Variants in FSTL5 observed in about 807,000 individuals in gnomAD.
The protein encoded by FSTL5 is follistatin like 5, also known as follistatin-related protein 5.
In FSTL5, 62 loss-of-function variants were observed where a neutral mutation model predicts 89.1. The ratio of observed to expected loss-of-function variants is 0.70; its 90% confidence interval spans 0.57 to 0.86. The LOEUF (loss-of-function observed/expected upper bound fraction) is 0.86, where lower values mean the gene tolerates loss of function less well. Among genes scored for constraint, FSTL5 ranks in the 40% least tolerant of loss-of-function variants. The probability of loss-of-function intolerance (pLI) is 0.00; values close to 1 mark genes in which losing one functional copy is unlikely to be tolerated. For missense variants in FSTL5, 1,057 were observed against 1,001.6 expected, an observed-to-expected ratio of 1.06 and a Z score of -0.75; for synonymous variants, 383 against 346.2, an observed-to-expected ratio of 1.11 and a Z score of -1.18.
intron 10 of FSTL5, among the ~76,000 whole-genome samples, chr4:161,535,879 A>C (rs1731592880): frequency 6.6e-6 from 1 of 152,118 alleles, no homozygotes; most frequent in African/African-American, 2.4e-5. Flanking sequence ...AATGTGGTAG[A>C]TATACATCAT....
chr4:161,541,003 C>G (rs1731801770), intron 9 of FSTL5, among the ~76,000 whole-genome samples: 2 of 151,918 alleles, frequency 1.3e-5, no homozygotes, highest in African/African-American at 2.4e-5. Flanking sequence ...AATATTTGTG[C>G]TTTCTTGGGA....
At position 162,006,565 on chromosome 4, in the gene FSTL5, C is replaced by A. The variant is rs559037934; in HGVS notation, c.160+27060G>T. On this transcript the variant is annotated intron_variant, in intron 3 of 15. Coordinates refer to ENST00000306100, the MANE Select transcript of FSTL5 (RefSeq NM_020116.5). Reference sequence around the variant, plus strand: ...ATGAAAACTTTCCTACATTTCTACACTGGAATGAGTACTCAATAATTAGCA... The same window carrying A: ...ATGAAAACTTTCCTACATTTCTACAATGGAATGAGTACTCAATAATTAGCA... 1.1e-4 allele frequency among the ~76,000 whole-genome samples: 16 copies of A among 152,004 alleles called. No homozygotes were observed. In the South Asian group the frequency reaches 3.3e-3, roughly 31 times the overall value.
At chr4:161,526,684 C>A (rs913522120) in intron 10 of FSTL5, among the ~76,000 whole-genome samples, 1 of 152,178 alleles carries the variant, frequency 6.6e-6, no homozygotes, top group Non-Finnish European at 1.5e-5. Context: ...GTTTTCCCAG[C>A]ACCATTTATT....
intron 3 of FSTL5, among the ~76,000 whole-genome samples, chr4:162,019,525 C>T (rs1737009072): frequency 6.6e-6 from 1 of 151,846 alleles, no homozygotes; most frequent in African/African-American, 2.4e-5. Context: ...CATATTTCTA[C>T]TTAGAAATAT....
At chr4:161,454,391 G>A (rs1245132422) in intron 15 of FSTL5, among the ~76,000 whole-genome samples, 1 of 152,100 alleles carries the variant, frequency 6.6e-6, no homozygotes, top group African/African-American at 2.4e-5. Context: ...AAGCTTTGCA[G>A]TTTTATAACT....
intron 3 of FSTL5, among the ~76,000 whole-genome samples, chr4:161,932,146 AC>A (rs1210300301): frequency 3.3e-5 from 5 of 152,018 alleles, no homozygotes; most frequent in African/African-American, 9.7e-5. Context: ...AGTTGGGTAA[AC>A]AAAGCATAGT....
intron 15 of FSTL5, among the ~76,000 whole-genome samples, chr4:161,401,265 T>C (rs1181872430): frequency 6.6e-6 from 1 of 152,208 alleles, no homozygotes; most frequent in Non-Finnish European, 1.5e-5. Flanking sequence ...GTCTACTTCT[T>C]TAATTAACAC....
chr4:162,105,570 A>G (rs1393164945), intron 2 of FSTL5, among the ~76,000 whole-genome samples: 2 of 152,134 alleles, frequency 1.3e-5, no homozygotes, highest in Admixed American at 6.6e-5. Flanking sequence ...GTCAGTTAAT[A>G]ATGAGATATA....
intron 3 of FSTL5, among the ~76,000 whole-genome samples, chr4:161,963,304 T>C (rs920824755): frequency 2.0e-5 from 3 of 151,916 alleles, no homozygotes; most frequent in African/African-American, 7.2e-5. Flanking sequence ...TCCTCACATA[T>C]TGTATATAGT....
At chr4:161,609,021 ATTT>A (rs1734551654) in intron 7 of FSTL5, among the ~76,000 whole-genome samples, 1 of 151,894 alleles carries the variant, frequency 6.6e-6, no homozygotes, top group Non-Finnish European at 1.5e-5. Context: ...TTAACCTATA[ATTT>A]TATTCTATTT....
chr4:161,531,458 C>T (rs898249919), intron 10 of FSTL5, among the ~76,000 whole-genome samples: 2 of 152,128 alleles, frequency 1.3e-5, no homozygotes, highest in Non-Finnish European at 1.5e-5. Context: ...ACAAATCTTT[C>T]CCCATTTTTA....
At chr4:161,919,975 T>G (rs1201797564) in intron 4 of FSTL5, among the ~76,000 whole-genome samples, 1 of 152,206 alleles carries the variant, frequency 6.6e-6, no homozygotes, top group Non-Finnish European at 1.5e-5. Context: ...TAATTTGAAT[T>G]ATGTGGTGCA....
intron 3 of FSTL5, among the ~76,000 whole-genome samples, chr4:161,957,182 T>C (rs1735048220): frequency 6.6e-6 from 1 of 152,036 alleles, no homozygotes; most frequent in Non-Finnish European, 1.5e-5. Flanking sequence ...TGGGATTTAA[T>C]GGTTAGATAG....
At position 161,564,701 on chromosome 4, in the gene FSTL5, T is replaced by A. The variant is rs558614560; in HGVS notation, c.1016-22008A>T. Among the ~76,000 whole-genome samples the A allele has an allele frequency of 1.7e-4, 26 of 151,760 alleles. 1 individual carries two copies. In the South Asian group the frequency reaches 4.6e-3, roughly 27 times the overall value. ...TTTTTATTATTTATAAACTTTTAGA[T>A]ACTTCCAAAGACATAATTATTATTA... On this transcript the variant is annotated intron_variant, in intron 8 of 15. Coordinates refer to ENST00000306100, the MANE Select transcript of FSTL5 (RefSeq NM_020116.5).
At chr4:161,418,633 T>C (rs757408873) in intron 15 of FSTL5, among the ~76,000 whole-genome samples, 6 of 152,222 alleles carry the variant, frequency 3.9e-5, no homozygotes, top group Non-Finnish European at 7.3e-5. Flanking sequence ...TTATTAAAAG[T>C]GTCTTGGGTT....
intron 4 of FSTL5, among the ~76,000 whole-genome samples, chr4:161,913,217 T>G (rs1482374057): frequency 6.6e-6 from 1 of 152,166 alleles, no homozygotes; most frequent in Non-Finnish European, 1.5e-5. Flanking sequence ...AGGAGCCTAA[T>G]GTTAATCTCC....
intron 3 of FSTL5, among the ~76,000 whole-genome samples, chr4:162,009,979 TAAA>T (rs200387858): frequency 1.4e-5 from 2 of 142,952 alleles, no homozygotes; most frequent in Admixed American, 7.0e-5. Flanking sequence ...GTTTGTTTTG[TAAA>T]AAAAAAAAAA....
At chr4:161,783,511 T>C (rs911078183) in intron 4 of FSTL5, among the ~76,000 whole-genome samples, 12 of 150,574 alleles carry the variant, frequency 8.0e-5, no homozygotes, top group Non-Finnish European at 3.0e-5. Flanking sequence ...TTTCTTTCAG[T>C]GCATTATGTC....
At position 161,637,427 on chromosome 4, in the gene FSTL5, G is replaced by T. The variant is rs943120915; in HGVS notation, c.894+18901C>A. Among the ~76,000 whole-genome samples, 10 of 147,474 alleles carry T rather than the reference G, an allele frequency of 6.8e-5. 1 individual carries two copies. The highest frequency in any genetic ancestry group is 5.4e-4 in the Admixed American group (8 of 14,734). On this transcript the variant is annotated intron_variant, in intron 7 of 15. Transcript: ENST00000306100. ...ATTTTGTAGGTTGCCTGTTCACTCT[G>T]ATGGTAGTTTCTTTTGCTGTGCAGA...
Sources: allele counts gnomAD v4.1 joint callset (sites outside exome capture counted in the v4.1 genomes callset), GRCh38; gene constraint gnomAD v4.1.1; transcripts MANE v1.5; gene names NCBI Gene and HGNC (gene_info 2026-07-23, HGNC 2026-07-21).